The following TMTC1 variants were observed in gnomAD, a reference collection of about 807,000 sequenced individuals.
TMTC1 encodes the protein transmembrane O-mannosyltransferase targeting cadherins 1, also known as protein O-mannosyl-transferase TMTC1.
Under a neutral mutation model 104.8 loss-of-function variants are expected in TMTC1, and 73 were observed. The ratio of observed to expected loss-of-function variants is 0.70; its 90% CI spans 0.58 to 0.85. The LOEUF is 0.85. TMTC1 is among the 40% of genes least tolerant of loss of function. TMTC1 has a pLI of 0.00. For missense variants in TMTC1, 1,035 were observed against 1,096.1 expected (o/e 0.94, Z 0.79); for synonymous variants, 434 against 428.7 (o/e 1.01, Z -0.15).
chr12:29,717,000 C>G lies in TMTC1; in HGVS notation c.938+34666G>C, dbSNP rs187500847. Among the ~76,000 whole-genome samples the G allele has an allele frequency of 3.2e-4, 48 of 152,104 alleles. 1 individual carries two copies. The East Asian group carries it at 8.9e-3, about 28-fold the overall frequency. ...ACTGCACTCCAGACTCCAGCCTGGG[C>G]AACAGAGCAAGACTCCGTCTCAAAA... On this transcript the variant is annotated intron_variant, in intron 5 of 17. Coordinates refer to ENST00000539277, the MANE Select transcript of TMTC1 (RefSeq NM_001193451.2).
intron 5 of TMTC1, among the ~76,000 whole-genome samples, chr12:29,700,515 T>C (rs980844718): frequency 6.6e-6 from 1 of 152,128 alleles, no homozygotes; most frequent in Non-Finnish European, 1.5e-5. Context: ...TAGTATTTTA[T>C]CTGGTCTCCT....
chr12:29,620,335 C>T (rs1314483774), intron 6 of TMTC1, among the ~76,000 whole-genome samples: 2 of 152,132 alleles, frequency 1.3e-5, no homozygotes, highest in Non-Finnish European at 2.9e-5. Flanking sequence ...AGCCTTCCCT[C>T]CCCCCAGCCT....
chr12:29,562,871 T>C (rs1327450757), intron 9 of TMTC1, among the ~76,000 whole-genome samples: 1 of 152,226 alleles, frequency 6.6e-6, no homozygotes, highest in Admixed American at 6.5e-5. Context: ...TGGCTCCCTC[T>C]AGCCCTGATG....
At chr12:29,728,934 G>C (rs149500104) in intron 5 of TMTC1, among the ~76,000 whole-genome samples, 323 of 147,820 alleles carry the variant, frequency 2.2e-3, no homozygotes, top group Non-Finnish European at 3.9e-3. Context: ...GGAGGCAGGG[G>C]TTGCAGTGAA....
At chr12:29,518,247 A>T (rs1944046556) in intron 13 of TMTC1, among the ~76,000 whole-genome samples, 1 of 152,206 alleles carries the variant, frequency 6.6e-6, no homozygotes, top group South Asian at 2.1e-4. Flanking sequence ...TGGGAATTAA[A>T]TTTCAACCTT....
At chr12:29,675,623 CA>C (rs1565760098) in intron 5 of TMTC1, among the ~76,000 whole-genome samples, 71 of 81,466 alleles carry the variant, frequency 8.7e-4, no homozygotes, top group African/African-American at 4.0e-3. Context: ...CACACACACA[CA>C]CACACACCCT....
At chr12:29,589,836 A>G (rs1374318285) in intron 7 of TMTC1, among the ~76,000 whole-genome samples, 2 of 152,242 alleles carry the variant, frequency 1.3e-5, no homozygotes, top group African/African-American at 2.4e-5. Flanking sequence ...CAAGGACAGT[A>G]CTGGTTTTAA....
chr12:29,652,072 G>C (rs1403408475), intron 5 of TMTC1, among the ~76,000 whole-genome samples: 1 of 152,148 alleles, frequency 6.6e-6, no homozygotes, highest in Non-Finnish European at 1.5e-5. Context: ...TTTATGAGTG[G>C]TACTATAGGG....
At chr12:29,637,100 A>ACACACAC in intron 5 of TMTC1, among the ~76,000 whole-genome samples, 1 of 150,458 alleles carries the variant, frequency 6.6e-6, no homozygotes, top group South Asian at 2.1e-4. Flanking sequence ...ACACACACAC[A>ACACACAC]CACACACACA....
In TMTC1 at chr12:29,670,934, C is replaced by CAAAAAAAAAAAAAAA. The variant is rs374719241; in HGVS notation, c.939-37599_939-37598insTTTTTTTTTTTTTTT. ...TGGGCCACAGCACGAGACTCTGTCTCAAAAAAAAAGAAAAAAAAGGATAGG... is the reference window on the plus strand; with the variant it reads ...TGGGCCACAGCACGAGACTCTGTCTCAAAAAAAAAAAAAAAAAAAAAAAAGAAAAAAAAGGATAGG... On this transcript the variant is annotated intron_variant, in intron 5 of 17. Transcript: ENST00000539277. 3.3e-3 allele frequency among the ~76,000 whole-genome samples: 227 copies of CAAAAAAAAAAAAAAA among 68,180 alleles called. 1 individual carries two copies. Among genetic ancestry groups the CAAAAAAAAAAAAAAA allele is most frequent in the Non-Finnish European group, 5.1e-3 (171 of 33,416 alleles). 44.7% of individuals were successfully genotyped at this position (68,180 alleles called of 152,430 possible). A position where few individuals can be genotyped will look rare whatever the true frequency, so the allele number is the denominator to read the frequency against.
At position 29,755,788 on chromosome 12, in the gene TMTC1, C is replaced by A. The variant is rs148020207; in HGVS notation, c.652G>T (p.Val218Leu). Residue 218 changes from valine to leucine, a missense_variant, in exon 4 of 18, where the codon GTG becomes TTG. Coordinates refer to ENST00000539277, the MANE Select transcript of TMTC1 (RefSeq NM_001193451.2). ...SLFLGTCAML[V>L]KETGITVFGV... ...AACACCGTGATGCCTGTCTCTTTCA[C>A]CAGCATCGCACAGGTCCCCAGAAAC... The A allele has an allele frequency of 6.2e-7, 1 of 1,614,146 alleles. No individual in the cohort carries two copies. Among genetic ancestry groups the A allele is most frequent in the Non-Finnish European group, 8.5e-7 (1 of 1,180,032 alleles).
intron 6 of TMTC1, among the ~76,000 whole-genome samples, chr12:29,605,044 T>TAC (rs1321805554): frequency 6.8e-4 from 103 of 152,268 alleles, no homozygotes; most frequent in African/African-American, 2.4e-3. Context: ...AATGACATTG[T>TAC]AAAAACTCAT....
intron 10 of TMTC1, among the ~76,000 whole-genome samples, chr12:29,549,495 T>C (rs1344964342): frequency 1.3e-5 from 2 of 152,126 alleles, no homozygotes; most frequent in African/African-American, 4.8e-5. Flanking sequence ...CTCATTGCAC[T>C]GAAGACTTAA....
chr12:29,607,160 C>T (rs1002108892), intron 6 of TMTC1, among the ~76,000 whole-genome samples: 1 of 152,198 alleles, frequency 6.6e-6, no homozygotes, highest in Non-Finnish European at 1.5e-5. Context: ...CAGACACCAG[C>T]ACAGTCTTTA....
intron 10 of TMTC1, among the ~76,000 whole-genome samples, chr12:29,547,253 GCT>G (rs754608049): frequency 1.3e-5 from 2 of 152,204 alleles, no homozygotes; most frequent in Non-Finnish European, 2.9e-5. Context: ...TTCCTGGGCA[GCT>G]CTGTCTTCAG....
chr12:29,552,927 C>A (rs1945144042), intron 10 of TMTC1, among the ~76,000 whole-genome samples: 1 of 152,044 alleles, frequency 6.6e-6, no homozygotes, highest in Non-Finnish European at 1.5e-5. Context: ...TGCCTTTGAC[C>A]CATTGCTATG....
intron 5 of TMTC1, among the ~76,000 whole-genome samples, chr12:29,680,555 C>T (rs1344916937): frequency 2.0e-5 from 3 of 152,136 alleles, no homozygotes; most frequent in Non-Finnish European, 2.9e-5. Flanking sequence ...ATGCCAACTA[C>T]GTTACAGTCA....
At chr12:29,683,844 C>T (rs1241868685) in intron 5 of TMTC1, among the ~76,000 whole-genome samples, 1 of 139,918 alleles carries the variant, frequency 7.1e-6, no homozygotes, top group African/African-American at 2.6e-5. Flanking sequence ...TATTTCCTAT[C>T]ATTTTTTTTT....
chr12:29,624,747 T>C (rs1332384420), intron 6 of TMTC1, among the ~76,000 whole-genome samples: 1 of 152,250 alleles, frequency 6.6e-6, no homozygotes, highest in Non-Finnish European at 1.5e-5. Flanking sequence ...AGACATATTT[T>C]AAGTGTTTAA....
Sources: gnomAD v4.1 joint callset for allele counts (sites outside exome capture counted in the v4.1 genomes callset) on GRCh38, gnomAD v4.1.1 for gene constraint, MANE v1.5 for transcripts, NCBI Gene and HGNC (gene_info 2026-07-23, HGNC 2026-07-21) for gene names.